Variants in LHX2 observed in about 807,000 individuals in gnomAD.
LHX2 encodes the protein LIM homeobox 2.
A neutral mutation model predicts 33.0 loss-of-function variants in LHX2; 6 were observed. The ratio of observed to expected loss-of-function variants is 0.18; its 90% CI spans 0.10 to 0.36. The LOEUF (loss-of-function observed/expected upper bound fraction) is 0.36, where lower values mean the gene tolerates loss of function less well. LHX2 is among the 10% of genes least tolerant of loss of function. LHX2 has a pLI of 1.00. For synonymous variants in LHX2, 292 were observed against 253.1 expected, an observed-to-expected ratio of 1.15 and a Z score of -1.46; for missense variants, 442 against 586.2, an observed-to-expected ratio of 0.75 and a Z score of 2.54.
intron 3 of LHX2, among the ~76,000 whole-genome samples, chr9:124,018,884 C>T (rs1859243582): frequency 6.6e-6 from 1 of 152,208 alleles, no homozygotes; most frequent in Non-Finnish European, 1.5e-5. Context: ...CCCCGCACTA[C>T]TACCCCACCT....
intron 4 of LHX2, among the ~76,000 whole-genome samples, chr9:124,025,812 C>T (rs146924771): frequency 9.9e-5 from 15 of 151,974 alleles, no homozygotes; most frequent in Non-Finnish European, 2.1e-4. Context: ...GGTGAAAACC[C>T]GTTCCCTACT....
intron 1 of LHX2, among the ~76,000 whole-genome samples, chr9:124,013,245 A>G (rs1234410184): frequency 1.3e-5 from 2 of 152,198 alleles, no homozygotes; most frequent in Non-Finnish European, 2.9e-5. Context: ...CGGGAGCAGG[A>G]GCAGCGGCGC....
At chr9:124,025,027 C>T (rs1000956510) in intron 4 of LHX2, among the ~76,000 whole-genome samples, 20 of 152,224 alleles carry the variant, frequency 1.3e-4, no homozygotes, top group African/African-American at 4.6e-4. Context: ...GTAAAGTGCT[C>T]GTCACATAAA....
rs139474434 is a variant in LHX2 at position 124,023,884 on chromosome 9, G to A, written c.933+2580G>A. 3.6e-4 allele frequency among the ~76,000 whole-genome samples: 55 copies of A among 152,262 alleles called. No individual in the cohort carries two copies. The East Asian group carries it at 0.01, about 28-fold the overall frequency. ...GTTTCCTCATGGTGTGATCCGTTGG[G>A]GCACCTACTGAGGGAGCCCAGAGGA... On this transcript the variant is annotated intron_variant, in intron 4 of 4. Transcript: ENST00000373615.
chr9:124,019,788 C>T (rs1564550072), intron 3 of LHX2, among the ~76,000 whole-genome samples: 1 of 152,150 alleles, frequency 6.6e-6, no homozygotes, highest in Non-Finnish European at 1.5e-5. Flanking sequence ...TTAGGCGGAC[C>T]GAATGTACAC....
Position 124,018,663 on chromosome 9 carries a change from C to T in LHX2, c.728-2436C>T, listed in dbSNP as rs1039907149. ...AAGCTGCGCCTGTTTCCGGGACTCG[C>T]TTTCCCCTCCGCTCTCCCTATTTCT... On this transcript the variant is annotated intron_variant, in intron 3 of 4. Transcript: ENST00000373615. 4.6e-5 allele frequency among the ~76,000 whole-genome samples: 7 copies of T among 152,164 alleles called. No homozygotes were observed. In the South Asian group the frequency reaches 1.2e-3, roughly 27 times the overall value.
At chr9:124,023,398 G>A (rs1828552602) in intron 4 of LHX2, among the ~76,000 whole-genome samples, 1 of 152,220 alleles carries the variant, frequency 6.6e-6, no homozygotes, top group Non-Finnish European at 1.5e-5. Context: ...GCATAGACAG[G>A]CTTGCTCTAT....
chr9:124,032,351 G>A lies in LHX2; in HGVS notation c.934-69G>A. 6.7e-7 allele frequency: 1 copy of A among 1,489,072 alleles called. No homozygotes were observed. Among genetic ancestry groups the A allele is most frequent in the Non-Finnish European group, 9.0e-7 (1 of 1,112,852 alleles). 92.2% of individuals were successfully genotyped at this position (1,489,072 alleles called of 1,614,324 possible). ...GCGTCCCCAGAGGCAGCAGAGCTCT[G>A]AGTGAAGCAGTCGGGGGGATGCTCT... On this transcript the variant is annotated intron_variant, in intron 4 of 4. Coordinates refer to ENST00000373615, the MANE Select transcript of LHX2 (RefSeq NM_004789.4). The surrounding 1 kb of genome is among the most constrained non-coding windows in gnomAD (Gnocchi z 4.1).
At chr9:124,018,923 C>G (rs116786428) in intron 3 of LHX2, among the ~76,000 whole-genome samples, 2,009 of 152,268 alleles carry the variant, frequency 0.013, 49 homozygotes, top group African/African-American at 0.046. Context: ...GTCCCTTGGG[C>G]CCATGGGGGC....
In LHX2 at chr9:124,016,425, C is replaced by G. The variant is rs1003726119; in HGVS notation, c.727+900C>G. 6.6e-6 allele frequency among the ~76,000 whole-genome samples: 1 copy of G among 152,234 alleles called. No homozygotes were observed. Among genetic ancestry groups the G allele is most frequent in the Non-Finnish European group, 1.5e-5 (1 of 68,048 alleles). On this transcript the variant is annotated intron_variant, in intron 3 of 4. Transcript: ENST00000373615. The surrounding 1 kb of genome is among the most constrained non-coding windows in gnomAD (Gnocchi z 4.4). ...AGGCCCGGAAAGGTTTATGACTCTC[C>G]GGGCTTCCGAACTAGAGTTTATGTG...
At chr9:124,029,137 A>C (rs2118781040) in intron 4 of LHX2, among the ~76,000 whole-genome samples, 1 of 151,756 alleles carries the variant, frequency 6.6e-6, no homozygotes, top group South Asian at 2.1e-4. Flanking sequence ...TAATAATAAT[A>C]GTCAATAAAT....
chr9:124,018,579 C>T (rs574439370), intron 3 of LHX2, among the ~76,000 whole-genome samples: 2 of 152,328 alleles, frequency 1.3e-5, no homozygotes, highest in East Asian at 3.9e-4. Context: ...AGGCCTCCCC[C>T]GCAGGGACCG....
intron 4 of LHX2, among the ~76,000 whole-genome samples, chr9:124,025,226 A>G (rs1029385539): frequency 6.6e-6 from 1 of 152,122 alleles, no homozygotes; most frequent in African/African-American, 2.4e-5. Context: ...GCGGATTACA[A>G]GGTCAGGAGA....
chr9:124,022,373 A>G (rs563419728), intron 4 of LHX2, among the ~76,000 whole-genome samples: 1 of 152,268 alleles, frequency 6.6e-6, no homozygotes, highest in Non-Finnish European at 1.5e-5. Context: ...ATTCACTAGT[A>G]TGAGCAATTA....
chr9:124,021,227 G>A lies in LHX2; in HGVS notation c.856G>A (p.Ala286Thr), dbSNP rs751912499. Residue 286 changes from alanine to threonine, a missense_variant, in exon 4 of 5, where the codon GCC (alanine) becomes ACC (threonine). Ala to Thr is a moderately conservative substitution (Grantham distance 58). Transcript: ENST00000373615. ...HQLRTMKSYF[A>T]INHNPDAKDL... ...GCTTCGGACCATGAAGTCTTACTTT[G>A]CCATTAACCACAACCCCGACGCCAA... 1 of 1,614,186 alleles carries A rather than the reference G, an allele frequency of 6.2e-7. No homozygotes were observed. The highest frequency in any genetic ancestry group is 8.5e-7 in the Non-Finnish European group (1 of 1,180,034).
At chr9:124,028,285 C>G (rs1476798222) in intron 4 of LHX2, among the ~76,000 whole-genome samples, 1 of 152,182 alleles carries the variant, frequency 6.6e-6, no homozygotes, top group Admixed American at 6.5e-5. Context: ...CTACCGCGCA[C>G]CAGGCTGGGG....
chr9:124,013,069 C>T (rs771297094), intron 1 of LHX2, among the ~76,000 whole-genome samples: 1 of 152,146 alleles, frequency 6.6e-6, no homozygotes, highest in Admixed American at 6.5e-5. Flanking sequence ...AAGGAGACTC[C>T]ATTTGGATCT....
chr9:124,016,992 T>C lies in LHX2; in HGVS notation c.727+1467T>C, dbSNP rs1273720453. Among the ~76,000 whole-genome samples, 1 of 152,108 alleles carries C rather than the reference T, an allele frequency of 6.6e-6. No individual in the cohort carries two copies. On this transcript the variant is annotated intron_variant, in intron 3 of 4. Coordinates refer to ENST00000373615, the MANE Select transcript of LHX2 (RefSeq NM_004789.4). This position sits in a 1 kb window ranked among gnomAD's most constrained non-coding sequence, Gnocchi z 4.4. ...GCACCTGGTGGCTGGGGAGCTGTAT[T>C]GTTTTCCTGGGCACGGAGGTTCGGC...
In LHX2 at chr9:124,032,626, C is replaced by T. The variant is rs566616939; in HGVS notation, c.1140C>T (p.Ser380=). The T allele has an allele frequency of 3.1e-6, 5 of 1,613,986 alleles. No individual in the cohort carries two copies. Among genetic ancestry groups the T allele is most frequent in the Middle Eastern group, 1.6e-4 (1 of 6,082 alleles). Residue 380 remains serine, a synonymous_variant, in exon 5 of 5, where the codon TCC becomes TCT. Transcript: ENST00000373615. The surrounding 1 kb of genome is among the most constrained non-coding windows in gnomAD (Gnocchi z 4.1). ...LTSPTLPTVT[S]VLTSVPGNLE... ...GCCCCACCCTGCCAACTGTGACGTC[C>T]GTCTTAACTTCTGTGCCTGGCAACC...
Sources: allele counts gnomAD v4.1 joint callset (sites outside exome capture counted in the v4.1 genomes callset), GRCh38; gene constraint gnomAD v4.1.1; non-coding constraint Gnocchi (gnomAD v3.1); transcripts MANE v1.5; gene names NCBI Gene and HGNC (gene_info 2026-07-23, HGNC 2026-07-21).